The following EHMT1 variants were observed in gnomAD, a reference collection of about 807,000 sequenced individuals.
EHMT1 encodes the protein euchromatic histone lysine methyltransferase 1.
A neutral mutation model predicts 147.2 loss-of-function variants in EHMT1; 15 were observed. That is an observed-to-expected ratio of 0.10 (90% CI 0.07 to 0.16). The LOEUF (loss-of-function observed/expected upper bound fraction) is 0.16. EHMT1 is among the 10% of genes least tolerant of loss of function. The pLI, the probability that EHMT1 is intolerant of heterozygous loss-of-function variation, is 1.00. For missense variants in EHMT1, 1,587 were observed against 1,772.4 expected (o/e 0.90, Z 1.88); for synonymous variants, 795 against 709.6 (o/e 1.12, Z -1.91).
chr9:137,766,256 A>G (rs1274467350), intron 10 of EHMT1, among the ~76,000 whole-genome samples: 1 of 152,110 alleles, frequency 6.6e-6, no homozygotes, highest in Non-Finnish European at 1.5e-5. Flanking sequence ...TATTCATTGG[A>G]GGTTTCAAAA....
chr9:137,834,608 G>A, intron 26 of EHMT1, 84 bp downstream of exon 26: 2 of 1,599,814 alleles, frequency 1.3e-6, no homozygotes, highest in Non-Finnish European at 1.7e-6. Flanking sequence ...TCCTGGGCTT[G>A]TCTCGGGTTT....
chr9:137,813,572 G>A lies in EHMT1; in HGVS notation c.3180+42G>A. 6.2e-7 allele frequency: 1 copy of A among 1,611,622 alleles called. No homozygotes were observed. On this transcript the variant is annotated intron_variant, in intron 21 of 26. Coordinates refer to ENST00000460843, the MANE Select transcript of EHMT1 (RefSeq NM_024757.5). This position sits in a 1 kb window ranked among gnomAD's most constrained non-coding sequence, Gnocchi z 4.9. ...GAAGGGCTGACTCAGGCCAGGACAT[G>A]GGACAGGCAGAAGCTTCTTGAGCCT...
chr9:137,730,805 C>T (rs559168650), intron 4 of EHMT1, among the ~76,000 whole-genome samples: 1 of 152,368 alleles, frequency 6.6e-6, no homozygotes, highest in East Asian at 1.9e-4. Context: ...TGTCCCTTCC[C>T]AGGGCCGGAA....
chr9:137,728,234 C>T (rs1237042567), intron 3 of EHMT1, 115 bp from the exon 4 acceptor site: 2 of 1,434,874 alleles, frequency 1.4e-6, no homozygotes, highest in Admixed American at 3.4e-5. Context: ...TCCATTGTAT[C>T]TCATCTTTCG....
rs758641711 is a variant in EHMT1 at position 137,801,008 on chromosome 9, G to A, written c.2712+24G>A. On this transcript the variant is annotated intron_variant, in intron 18 of 26. Coordinates refer to ENST00000460843, the MANE Select transcript of EHMT1 (RefSeq NM_024757.5). ...ACGTAAGTTCGTCACACCCTCCCCG[G>A]GAGCCGTGTCCTGGAGGGGTGGGGA... The A allele has an allele frequency of 1.6e-5, 26 of 1,608,742 alleles. No homozygotes were observed. The South Asian group carries it at 2.8e-4, about 17-fold the overall frequency.
chr9:137,765,153 A>AT (rs1177367198), intron 10 of EHMT1, among the ~76,000 whole-genome samples: 1 of 152,146 alleles, frequency 6.6e-6, no homozygotes, highest in Non-Finnish European at 1.5e-5. Flanking sequence ...CAAAATGGTG[A>AT]TTTTGCCATT....
intron 2 of EHMT1, among the ~76,000 whole-genome samples, chr9:137,715,984 GTTTTATA>G (rs1416908159): frequency 1.3e-5 from 2 of 151,320 alleles, no homozygotes; most frequent in Admixed American, 1.3e-4. Context: ...TCTGTAGACA[GTTTTATA>G]TAAGCCAGCC....
chr9:137,733,587 G>A (rs1588433825), intron 4 of EHMT1, among the ~76,000 whole-genome samples: 1 of 152,238 alleles, frequency 6.6e-6, no homozygotes, highest in African/African-American at 2.4e-5. Flanking sequence ...GTGGTGCAGG[G>A]TGTGCGGTGT....
chr9:137,768,496 G>A (rs1588613076), intron 10 of EHMT1, among the ~76,000 whole-genome samples: 1 of 131,052 alleles, frequency 7.6e-6, no homozygotes, highest in Non-Finnish European at 1.6e-5. Context: ...TGGGATTACA[G>A]ATGTGCGCCA....
At chr9:137,696,279 T>C (rs74611125) in intron 1 of EHMT1, among the ~76,000 whole-genome samples, 3,450 of 152,044 alleles carry the variant, frequency 0.023, 117 homozygotes, top group African/African-American at 0.078. Flanking sequence ...GGGTAGAGAG[T>C]GCTCTTCATC....
At chr9:137,831,905 C>G (rs1956214403) in intron 25 of EHMT1, among the ~76,000 whole-genome samples, 1 of 151,816 alleles carries the variant, frequency 6.6e-6, no homozygotes, top group African/African-American at 2.4e-5. Context: ...CGCCTCAGTC[C>G]TAGGATTGGC....
At chr9:137,679,694 A>G (rs951912377) in intron 1 of EHMT1, among the ~76,000 whole-genome samples, 1 of 152,194 alleles carries the variant, frequency 6.6e-6, no homozygotes, top group African/African-American at 2.4e-5. Flanking sequence ...AGTTAAGAGT[A>G]AGTAAAGCTA....
chr9:137,743,296 C>T (rs1019227108), intron 4 of EHMT1, 75 bp from the exon 5 acceptor site: 1 of 1,516,216 alleles, frequency 6.6e-7, no homozygotes, highest in Non-Finnish European at 8.8e-7. Context: ...TAAACTGTCT[C>T]TTACCTTTGA....
chr9:137,715,503 C>A (rs143664275), intron 2 of EHMT1: 2 of 977,108 alleles, frequency 2.0e-6, no homozygotes, highest in African/African-American at 3.5e-5. Context: ...CTGTTGTGCT[C>A]GAGGTGATAA....
chr9:137,783,103 A>G (rs1449663598), intron 15 of EHMT1, among the ~76,000 whole-genome samples: 1 of 152,146 alleles, frequency 6.6e-6, no homozygotes, highest in African/African-American at 2.4e-5. Context: ...GTTGTACCTC[A>G]TTGTAATGTG....
chr9:137,642,390 T>C (rs1589088706), intron 1 of EHMT1, among the ~76,000 whole-genome samples: 1 of 151,422 alleles, frequency 6.6e-6, no homozygotes, highest in South Asian at 2.1e-4. Context: ...ACCGTGGCCT[T>C]GAACTCCCGG....
chr9:137,712,603 TCTC>T (rs769823599), intron 2 of EHMT1, among the ~76,000 whole-genome samples: 5 of 152,194 alleles, frequency 3.3e-5, no homozygotes, highest in Non-Finnish European at 7.3e-5. Flanking sequence ...AAATATCTCT[TCTC>T]CTGTGATTTC....
At chr9:137,763,119 A>T (rs1949961228) in intron 10 of EHMT1, 1 of 587,496 alleles carries the variant, frequency 1.7e-6, no homozygotes, top group South Asian at 2.0e-5. Flanking sequence ...CTACCTTGCT[A>T]TAAACAAAGT....
chr9:137,773,925 G>C (rs560863252), intron 10 of EHMT1, among the ~76,000 whole-genome samples: 6 of 152,186 alleles, frequency 3.9e-5, no homozygotes, highest in Non-Finnish European at 5.9e-5. Context: ...TAGCAAACCT[G>C]TAAGGCTTTG....
Sources: gnomAD v4.1 joint callset for allele counts (sites outside exome capture counted in the v4.1 genomes callset) on GRCh38, gnomAD v4.1.1 for gene constraint, Gnocchi (gnomAD v3.1) non-coding constraint, MANE v1.5 for transcripts, NCBI Gene and HGNC (gene_info 2026-07-23, HGNC 2026-07-21) for gene names.